The following NLRP8 variants were observed in gnomAD, a reference collection of about 807,000 sequenced individuals.
NLRP8 encodes the protein NACHT, LRR and PYD domains-containing protein 8.
In NLRP8, 86 loss-of-function variants were observed where a neutral mutation model predicts 88.7. The observed-to-expected ratio is 0.97, with a 90% CI of 0.81 to 1.16. The LOEUF (loss-of-function observed/expected upper bound fraction) is 1.16. Ranked by LOEUF, NLRP8 falls within the 50% of genes most tolerant of loss-of-function variation. NLRP8 has a pLI of 0.00. For synonymous variants in NLRP8, 504 were observed against 494.6 expected, an observed-to-expected ratio of 1.02 and a Z score of -0.25; for missense variants, 1,342 against 1,286.5, an observed-to-expected ratio of 1.04 and a Z score of -0.66.
intron 9 of NLRP8, chr19:55,987,775 AAT>A: frequency 1.3e-6 from 2 of 1,497,766 alleles, no homozygotes; most frequent in Non-Finnish European, 1.9e-6. Context: ...ATCCTCAGAA[AAT>A]AACCTCAACC....
At chr19:55,985,887 A>G (rs1980784505) in intron 9 of NLRP8, among the ~76,000 whole-genome samples, 1 of 152,074 alleles carries the variant, frequency 6.6e-6, no homozygotes, top group Admixed American at 6.6e-5. Context: ...ATGGTGGTAC[A>G]CACCTGTAGT....
chr19:55,948,913 G>A (rs1978972832), intron 1 of NLRP8, among the ~76,000 whole-genome samples: 1 of 152,262 alleles, frequency 6.6e-6, no homozygotes, highest in East Asian at 1.9e-4. Flanking sequence ...AAGCAAGAAG[G>A]TTAAACACTT....
rs551464931 is a variant in NLRP8 at position 55,985,875 on chromosome 19, G to A, written c.3048-1939G>A. Among the ~76,000 whole-genome samples the A allele has an allele frequency of 3.3e-5, 5 of 152,222 alleles. No homozygotes were observed. The South Asian group carries it at 1.0e-3, about 32-fold the overall frequency. On this transcript the variant is annotated intron_variant, in intron 9 of 9. Coordinates refer to ENST00000291971, the MANE Select transcript of NLRP8 (RefSeq NM_176811.2). ...TATTAAAAATCTGAAAATTAGCCGG[G>A]CATGGTGGTACACACCTGTAGTCCC...
chr19:55,976,647 T>G (rs902886875), intron 8 of NLRP8, among the ~76,000 whole-genome samples: 3 of 151,612 alleles, frequency 2.0e-5, no homozygotes, highest in African/African-American at 7.3e-5. Context: ...GACTGATATC[T>G]GAGATGACTG....
At chr19:55,980,519 G>A (rs559444080) in intron 9 of NLRP8, among the ~76,000 whole-genome samples, 2 of 152,326 alleles carry the variant, frequency 1.3e-5, no homozygotes, top group South Asian at 4.1e-4. Context: ...TCTCAGTTGA[G>A]CCACTGGCTG....
chr19:55,949,636 G>T (rs1205972264), intron 1 of NLRP8, among the ~76,000 whole-genome samples: 2 of 152,126 alleles, frequency 1.3e-5, no homozygotes, highest in African/African-American at 4.8e-5. Context: ...CTGCAGAGAA[G>T]GGGGGACTAC....
At position 55,957,673 on chromosome 19, in the gene NLRP8, T is replaced by TAA. The variant is rs1378405360; in HGVS notation, c.2042+1573_2042+1574insAA. Among the ~76,000 whole-genome samples the TAA allele has an allele frequency of 2.7e-3, 84 of 31,192 alleles. 1 individual carries two copies. Among genetic ancestry groups the TAA allele is most frequent in the African/African-American group, 7.2e-3 (30 of 4,170 alleles). 20.5% of individuals were successfully genotyped at this position (31,192 alleles called of 152,430 possible). On this transcript the variant is annotated intron_variant, in intron 3 of 9. Coordinates refer to ENST00000291971, the MANE Select transcript of NLRP8 (RefSeq NM_176811.2). ...TATCTTAAAAAAGAAAAAATAATAATTATATATATATATATATATATATAT... is the reference window on the plus strand; with the variant it reads ...TATCTTAAAAAAGAAAAAATAATAATAATATATATATATATATATATATATAT...
intron 7 of NLRP8, among the ~76,000 whole-genome samples, chr19:55,974,153 G>C (rs1238919685): frequency 1.3e-5 from 2 of 152,184 alleles, no homozygotes; most frequent in African/African-American, 2.4e-5. Context: ...AAGAATTAAA[G>C]AAAGAGGAAA....
At position 55,987,850 on chromosome 19, in the gene NLRP8, C is replaced by T. The variant is rs1222213846; in HGVS notation, c.3084C>T (p.Ser1028=). 1.2e-6 allele frequency: 2 copies of T among 1,614,068 alleles called. No homozygotes were observed. The highest frequency in any genetic ancestry group is 1.7e-6 in the Non-Finnish European group (2 of 1,179,988). Residue 1028 remains serine (S), a synonymous_variant, in exon 10 of 10, where the codon TCC becomes TCT. Transcript: ENST00000291971. ...CCTGGACTCGAATAACTAGCTTCTC[C>T]CCAACTCCTCACCCACCCGACTTCA... is the stretch of plus-strand genomic sequence containing the variant.
intron 8 of NLRP8, among the ~76,000 whole-genome samples, chr19:55,977,443 T>C (rs2123224055): frequency 6.9e-6 from 1 of 145,332 alleles, no homozygotes; most frequent in Admixed American, 7.0e-5. Flanking sequence ...TTATACATTA[T>C]ATACTTACAT....
Position 55,962,218 on chromosome 19 carries a change from T to A in NLRP8, c.2194T>A (p.Cys732Ser). 1.2e-6 allele frequency: 2 copies of A among 1,613,580 alleles called. No homozygotes were observed. The highest frequency in any genetic ancestry group is 4.5e-5 in the East Asian group (2 of 44,874). Residue 732 changes from cysteine to serine, a missense_variant, in exon 4 of 10, where the codon TGC (cysteine) becomes AGC (serine). Coordinates refer to ENST00000291971, the MANE Select transcript of NLRP8 (RefSeq NM_176811.2). ...CGCGGCCGCACTGAGGCACCCTCAG[T>A]GCAAACTGCAAAAGCTACTGTGAGT... is the stretch of plus-strand genomic sequence containing the variant.
chr19:55,979,624 A>G, intron 9 of NLRP8, 60 bp downstream of exon 9: 2 of 1,579,186 alleles, frequency 1.3e-6, no homozygotes, highest in East Asian at 2.2e-5. Flanking sequence ...TCCTTGTAAA[A>G]CGTGAGATGC....
At chr19:55,957,716 TATATATATAA>T (rs1979440666) in intron 3 of NLRP8, among the ~76,000 whole-genome samples, 7 of 70,550 alleles carry the variant, frequency 9.9e-5, no homozygotes, top group African/African-American at 1.0e-4. Context: ...TATATATATA[TATATATATAA>T]AATAAGGTTG....
At position 55,955,578 on chromosome 19, in the gene NLRP8, T is replaced by A; in HGVS notation, c.1520T>A (p.Leu507His). The A allele has an allele frequency of 6.2e-7, 1 of 1,614,218 alleles. No individual in the cohort carries two copies. Among genetic ancestry groups the A allele is most frequent in the South Asian group, 1.1e-5 (1 of 91,076 alleles). Residue 507 changes from leucine (L) to histidine (H), a missense_variant, in exon 3 of 10, where the codon CTC becomes CAC. Leu to His is a moderately conservative substitution (Grantham distance 99, BLOSUM62 -3). Coordinates refer to ENST00000291971, the MANE Select transcript of NLRP8 (RefSeq NM_176811.2). ...GAGGAAGACCACTATGTCTTTACCC[T>A]CGTGACTTTTCAGGAATTTTTTGCG...
rs187617106 is a variant in NLRP8, at chr19:55,965,191, C to T, written c.2214-1022C>T. On this transcript the variant is annotated intron_variant, in intron 4 of 9. Transcript: ENST00000291971. ...GTAGGCCGGGTGTGGTGGCTTATGC[C>T]TGTAATCCCAGCACTTTGGGAGGCC... 7.5e-3 allele frequency among the ~76,000 whole-genome samples: 1,140 copies of T among 152,256 alleles called. 7 individuals are homozygous for T. The highest frequency in any genetic ancestry group is 0.024 in the Middle Eastern group (7 of 294).
chr19:55,973,168 T>C (rs1272439112), intron 6 of NLRP8, among the ~76,000 whole-genome samples: 4 of 152,206 alleles, frequency 2.6e-5, no homozygotes, highest in Non-Finnish European at 4.4e-5. Flanking sequence ...TGGTATTGCA[T>C]TGAGGTTTCA....
At position 55,976,140 on chromosome 19, in the gene NLRP8, A is replaced by C. The variant is rs755953973; in HGVS notation, c.2713A>C (p.Lys905Gln). Reference sequence around the variant, plus strand: ...ACCTGTGTTTCTTTGCAGACTGAGAAAGTGTGACTTGACCTTTAATTGCTG... The same window carrying C: ...ACCTGTGTTTCTTTGCAGACTGAGACAGTGTGACTTGACCTTTAATTGCTG... Residue 905 changes from lysine (K) to glutamine (Q), a missense_variant, in exon 8 of 10, where the codon AAG becomes CAG. Physicochemically the swap from Lys to Gln is moderately conservative, Grantham distance 53. Coordinates refer to ENST00000291971, the MANE Select transcript of NLRP8 (RefSeq NM_176811.2). The C allele has an allele frequency of 2.5e-6, 4 of 1,599,088 alleles. No homozygotes were observed. The East Asian group carries it at 6.8e-5, about 27-fold the overall frequency.
chr19:55,977,752 C>A (rs1980411949), intron 8 of NLRP8, among the ~76,000 whole-genome samples: 1 of 127,626 alleles, frequency 7.8e-6, no homozygotes, highest in Middle Eastern at 4.2e-3. Context: ...CTCTTTCAAT[C>A]CAAATTTTTT....
intron 2 of NLRP8, among the ~76,000 whole-genome samples, chr19:55,953,947 G>A (rs1444536853): frequency 6.6e-6 from 1 of 150,838 alleles, no homozygotes; most frequent in African/African-American, 2.4e-5. Flanking sequence ...GATTACCGGC[G>A]TGTGCACCAC....
Sources: gnomAD v4.1 joint callset for allele counts (sites outside exome capture counted in the v4.1 genomes callset) on GRCh38, gnomAD v4.1.1 for gene constraint, MANE v1.5 for transcripts, NCBI Gene and HGNC (gene_info 2026-07-23, HGNC 2026-07-21) for gene names.